Variants in FLNB observed in about 807,000 individuals in gnomAD.
FLNB encodes the protein filamin-B.
FLNB carries 111 observed loss-of-function variants against 250.6 expected under a neutral mutation model. The observed-to-expected ratio is 0.44, with a 90% confidence interval of 0.38 to 0.52. The LOEUF (loss-of-function observed/expected upper bound fraction) is 0.52. Among genes scored for constraint, FLNB ranks in the 20% least tolerant of loss-of-function variants. The probability of loss-of-function intolerance (pLI) is 0.00; values close to 1 mark genes in which losing one functional copy is unlikely to be tolerated. For missense variants in FLNB, 2,869 were observed against 3,447.8 expected (o/e 0.83, Z 4.20); for synonymous variants, 1,302 against 1,372.1 (o/e 0.95, Z 1.13).
At chr3:58,109,790 G>A in intron 15 of FLNB, 91 bp downstream of exon 15, 1 of 1,560,944 alleles carries the variant, frequency 6.4e-7, no homozygotes, top group Non-Finnish European at 8.8e-7. Context: ...GAACTAGGAA[G>A]TAGTCCATCT....
At chr3:58,128,098 G>C (rs1328345188) in intron 24 of FLNB, among the ~76,000 whole-genome samples, 1 of 152,200 alleles carries the variant, frequency 6.6e-6, no homozygotes, top group East Asian at 1.9e-4. Flanking sequence ...GCGGGGTCTT[G>C]TTCTTCTTTC....
rs554562879 is a variant in FLNB, at chr3:58,113,025, T to A, written c.2745+707T>A. Among the ~76,000 whole-genome samples the A allele has an allele frequency of 4.6e-5, 7 of 152,284 alleles. No homozygotes were observed. In the East Asian group the frequency reaches 7.7e-4, roughly 17 times the overall value. ...ATTTGTTTAAAAACATTAAAAAAAATTTGTATCGTGGTAAAATACACATAA... is the reference window on the plus strand; with the variant it reads ...ATTTGTTTAAAAACATTAAAAAAAAATTGTATCGTGGTAAAATACACATAA... On this transcript the variant is annotated intron_variant, in intron 18 of 45. Transcript: ENST00000295956.
chr3:58,132,624 C>T, intron 25 of FLNB, 184 bp from the exon 26 acceptor site: 1 of 716,298 alleles, frequency 1.4e-6, no homozygotes, highest in Non-Finnish European at 2.4e-6. Context: ...GTCATTTCTG[C>T]AACCATGAAT....
At chr3:58,046,796 T>C (rs1260451356) in intron 1 of FLNB, among the ~76,000 whole-genome samples, 2 of 152,174 alleles carry the variant, frequency 1.3e-5, no homozygotes, top group Non-Finnish European at 2.9e-5. Context: ...CACTCTCCCT[T>C]TCCCTTCCCC....
chr3:58,114,553 A>T (rs1273638770), intron 18 of FLNB, among the ~76,000 whole-genome samples: 1 of 151,010 alleles, frequency 6.6e-6, no homozygotes, highest in Non-Finnish European at 1.5e-5. Flanking sequence ...TATAAACCCG[A>T]AATGGAATTG....
intron 35 of FLNB, 112 bp downstream of exon 35, chr3:58,148,476 C>A (rs1200112435): frequency 7.4e-7 from 1 of 1,354,704 alleles, no homozygotes; most frequent in Non-Finnish European, 1.0e-6. Context: ...ATGTGATAAA[C>A]CTGCTGGGTC....
intron 19 of FLNB, among the ~76,000 whole-genome samples, chr3:58,119,207 C>T (rs893036652): frequency 6.6e-6 from 1 of 151,858 alleles, no homozygotes; most frequent in African/African-American, 2.4e-5. Context: ...CTCATTTGTA[C>T]AGTGGGGGGT....
At chr3:58,147,537 C>T (rs2097337681) in intron 34 of FLNB, among the ~76,000 whole-genome samples, 1 of 152,208 alleles carries the variant, frequency 6.6e-6, no homozygotes, top group Non-Finnish European at 1.5e-5. Flanking sequence ...TGTTTCCCCA[C>T]CGTATTTAGA....
chr3:58,087,585 T>A (rs890538081), intron 4 of FLNB, among the ~76,000 whole-genome samples: 1 of 151,730 alleles, frequency 6.6e-6, no homozygotes, highest in African/African-American at 2.4e-5. Flanking sequence ...GCCAAGTAGC[T>A]GGGATTACAG....
At chr3:58,093,900 G>A (rs2097233005) in intron 4 of FLNB, among the ~76,000 whole-genome samples, 2 of 152,194 alleles carry the variant, frequency 1.3e-5, no homozygotes. Context: ...TTCCATTGAT[G>A]TGACGTTACC....
intron 1 of FLNB, among the ~76,000 whole-genome samples, chr3:58,052,369 C>T (rs2097163795): frequency 6.6e-6 from 1 of 152,168 alleles, no homozygotes; most frequent in African/African-American, 2.4e-5. Context: ...GGGTCCAAAA[C>T]TACTCTTGGA....
At chr3:58,014,928 C>G (rs1462933556) in intron 1 of FLNB, among the ~76,000 whole-genome samples, 1 of 152,074 alleles carries the variant, frequency 6.6e-6, no homozygotes, top group Non-Finnish European at 1.5e-5. Flanking sequence ...GGGGTTTCAC[C>G]TTGTTGGTCA....
At chr3:58,127,349 AAG>A (rs1448926093) in intron 24 of FLNB, among the ~76,000 whole-genome samples, 1 of 152,042 alleles carries the variant, frequency 6.6e-6, no homozygotes, top group East Asian at 1.9e-4. Context: ...AAGAAAAAGA[AAG>A]AAAATTTCTA....
Position 58,098,822 on chromosome 3 carries a change from C to T in FLNB, c.1259C>T (p.Pro420Leu), listed in dbSNP as rs1270447838. The T allele has an allele frequency of 3.1e-5, 50 of 1,614,014 alleles. No homozygotes were observed. Among genetic ancestry groups the T allele is most frequent in the Non-Finnish European group, 4.2e-5 (49 of 1,180,028 alleles). ...CAGGTGTATCGATGTGTGTACAAACCCATGCAGCCTGGCCCTCACGTGGTC... is the reference window on the plus strand; with the variant it reads ...CAGGTGTATCGATGTGTGTACAAACTCATGCAGCCTGGCCCTCACGTGGTC... ...GNQVYRCVYK[P>L]MQPGPHVVKI... The change falls in exon 8 of 46, where the codon CCC becomes CTC. Residue 420 changes from proline (P) to leucine (L), a missense_variant. Physicochemically the swap from Pro to Leu is moderately conservative, Grantham distance 98. This residue lies in a region of FLNB where 1,348 missense variants were observed against 1,466.7 expected (regional missense o/e 0.92). Transcript: ENST00000295956.
chr3:58,014,833 A>G (rs912853624), intron 1 of FLNB, among the ~76,000 whole-genome samples: 2 of 152,118 alleles, frequency 1.3e-5, no homozygotes, highest in Admixed American at 6.5e-5. Flanking sequence ...GGGTCAAGCA[A>G]TTCTCCTGCC....
At position 58,148,902 on chromosome 3, in the gene FLNB, T is replaced by G. The variant is rs74733805; in HGVS notation, c.6091+50T>G. The stretch of plus-strand genomic sequence containing the variant: ...CCCAGAGCTTGTGGGAACCGACTTA[T>G]TTTGCTGAGGCAGCGTCATCTTTTC... On this transcript the variant is annotated intron_variant, in intron 36 of 45. Coordinates refer to ENST00000295956, the MANE Select transcript of FLNB (RefSeq NM_001457.4). The G allele has an allele frequency of 1.8e-3, 2,768 of 1,530,866 alleles. 24 individuals carry two copies. In the African/African-American group the frequency reaches 0.025, roughly 14 times the overall value. 94.8% of individuals were successfully genotyped at this position (1,530,866 alleles called of 1,614,324 possible). A position where few individuals can be genotyped will look rare whatever the true frequency, so the allele number is the denominator to read the frequency against.
Position 58,126,952 on chromosome 3 carries a change from C to G in FLNB, c.4222+190C>G, listed in dbSNP as rs541931858. On this transcript the variant is annotated intron_variant, in intron 24 of 45. Coordinates refer to ENST00000295956, the MANE Select transcript of FLNB (RefSeq NM_001457.4). ...GTAGAACCGGTAACATGGCAAAAAG[C>G]ATCGGCTTAGAATTTTGACTGGAAA... 2.0e-5 allele frequency among the ~76,000 whole-genome samples: 3 copies of G among 152,320 alleles called. No individual in the cohort carries two copies. In the South Asian group the frequency reaches 6.2e-4, roughly 32 times the overall value.
intron 12 of FLNB, among the ~76,000 whole-genome samples, chr3:58,108,188 G>A (rs530475245): frequency 2.0e-5 from 3 of 152,332 alleles, no homozygotes; most frequent in East Asian, 3.9e-4. Context: ...GTGTTGGGCT[G>A]CATTCAAAGC....
chr3:58,122,427 A>G (rs1172668560), intron 20 of FLNB, among the ~76,000 whole-genome samples: 2 of 150,730 alleles, frequency 1.3e-5, no homozygotes, highest in Non-Finnish European at 2.9e-5. Flanking sequence ...TGGGAGGCAG[A>G]GGTTGCAGTG....
Sources: gnomAD v4.1 joint callset for allele counts (sites outside exome capture counted in the v4.1 genomes callset) on GRCh38, gnomAD v4.1.1 for gene constraint, gnomAD v4.1.1 regional missense constraint, MANE v1.5 for transcripts, NCBI Gene and HGNC (gene_info 2026-07-23, HGNC 2026-07-21) for gene names.